Variants in TMED8 observed in about 807,000 individuals in gnomAD.
TMED8 encodes transmembrane p24 trafficking protein family member 8.
In TMED8, 15 loss-of-function variants were observed where a neutral mutation model predicts 32.7. That is an observed-to-expected ratio of 0.46 (90% CI 0.31 to 0.71). The LOEUF (loss-of-function observed/expected upper bound fraction) is 0.71. TMED8 is among the 30% of genes least tolerant of loss of function. The pLI, the probability that TMED8 is intolerant of heterozygous loss-of-function variation, is 0.06. For synonymous variants in TMED8, 147 were observed against 161.4 expected, an observed-to-expected ratio of 0.91 and a Z score of 0.68; for missense variants, 390 against 423.9, an observed-to-expected ratio of 0.92 and a Z score of 0.70.
rs570746624 is a variant in TMED8 at position 77,359,112 on chromosome 14, T to C, written c.119-7361A>G. 6.8e-4 allele frequency among the ~76,000 whole-genome samples: 104 copies of C among 152,316 alleles called. 1 individual carries two copies. Among genetic ancestry groups the C allele is most frequent in the African/African-American group, 2.3e-3 (96 of 41,566 alleles). On this transcript the variant is annotated intron_variant, in intron 1 of 5. Coordinates refer to ENST00000216468, the MANE Select transcript of TMED8 (RefSeq NM_213601.3). ...TCTGTAGAGATGGGGTTTTGCCATGTAGCCCAGGCTGATCTCAAAACTCCT... is the reference window on the plus strand; with the variant it reads ...TCTGTAGAGATGGGGTTTTGCCATGCAGCCCAGGCTGATCTCAAAACTCCT...
chr14:77,369,646 T>C (rs1468482883), intron 1 of TMED8, among the ~76,000 whole-genome samples: 1 of 152,198 alleles, frequency 6.6e-6, no homozygotes, highest in African/African-American at 2.4e-5. Flanking sequence ...CAAAATAGAC[T>C]CTTGTCCTTG....
rs532280096 is a variant in TMED8 at position 77,370,159 on chromosome 14, G to A, written c.118+6777C>T. ...TGCACTCCAGTCAAGGCGACAGAGCGAGACTCCGTTTCAAAAAAAAAAAAA... is the reference window on the plus strand; with the variant it reads ...TGCACTCCAGTCAAGGCGACAGAGCAAGACTCCGTTTCAAAAAAAAAAAAA... On this transcript the variant is annotated intron_variant, in intron 1 of 5. Coordinates refer to ENST00000216468, the MANE Select transcript of TMED8 (RefSeq NM_213601.3). Among the ~76,000 whole-genome samples the A allele has an allele frequency of 8.2e-4, 99 of 120,006 alleles. 2 individuals are homozygous for A. The South Asian group carries it at 0.026, about 31-fold the overall frequency. The allele number at this position is 120,006 out of a possible 152,430, so 78.7% of individuals were successfully genotyped here.
At chr14:77,361,523 T>G (rs377250395) in intron 1 of TMED8, among the ~76,000 whole-genome samples, 6 of 152,192 alleles carry the variant, frequency 3.9e-5, no homozygotes, top group East Asian at 3.8e-4. Flanking sequence ...AATGTTTTCT[T>G]TCTTAGGATT....
intron 1 of TMED8, among the ~76,000 whole-genome samples, chr14:77,369,529 T>G (rs989821720): frequency 6.6e-6 from 1 of 152,184 alleles, no homozygotes; most frequent in African/African-American, 2.4e-5. Flanking sequence ...TCCTGAACAC[T>G]AATCCATTTC....
intron 1 of TMED8, among the ~76,000 whole-genome samples, chr14:77,368,495 T>C (rs1003798291): frequency 7.2e-5 from 11 of 152,174 alleles, no homozygotes; most frequent in Non-Finnish European, 1.5e-4. Context: ...TATTTATTTT[T>C]GAGACGGAGT....
chr14:77,354,943 G>T (rs12894718), intron 1 of TMED8, among the ~76,000 whole-genome samples: 33,710 of 149,306 alleles, frequency 0.23, 3,966 homozygotes, highest in Admixed American at 0.29. Flanking sequence ...GACGAAGGAA[G>T]AACTCTGTCT....
At chr14:77,351,297 C>G (rs1893168570) in intron 2 of TMED8, among the ~76,000 whole-genome samples, 1 of 151,066 alleles carries the variant, frequency 6.6e-6, no homozygotes, top group East Asian at 2.0e-4. Flanking sequence ...CCAGCCTGTC[C>G]AATATGATGA....
intron 3 of TMED8, among the ~76,000 whole-genome samples, chr14:77,344,545 G>A (rs72681262): frequency 0.018 from 2,722 of 152,282 alleles, 46 homozygotes; most frequent in Middle Eastern, 0.078. Flanking sequence ...TAACCCATGC[G>A]GGAGCTTACA....
At position 77,341,468 on chromosome 14, in the gene TMED8, A is replaced by T. The variant is rs1453174930; in HGVS notation, c.*303T>A. On this transcript the variant is annotated 3_prime_UTR_variant, in exon 6 of 6. Coordinates refer to ENST00000216468, the MANE Select transcript of TMED8 (RefSeq NM_213601.3). Reference sequence around the variant, plus strand: ...CCTGTGCCAAGATGAATCTATTTTTAAAAAACATCGCCCTGCTTCCTTTTA... The same window carrying T: ...CCTGTGCCAAGATGAATCTATTTTTTAAAAACATCGCCCTGCTTCCTTTTA... 1 of 384,148 alleles carries T rather than the reference A, an allele frequency of 2.6e-6. No homozygotes were observed. The highest frequency in any genetic ancestry group is 5.5e-5 in the East Asian group (1 of 18,130). The allele number at this position is 384,148 out of a possible 1,614,324, so 23.8% of individuals were successfully genotyped here.
At chr14:77,368,222 G>A (rs757510220) in intron 1 of TMED8, among the ~76,000 whole-genome samples, 1 of 152,256 alleles carries the variant, frequency 6.6e-6, no homozygotes, top group Middle Eastern at 3.4e-3. Flanking sequence ...AGATAATGCC[G>A]AACTATTTTC....
At chr14:77,374,012 C>T (rs746989006) in intron 1 of TMED8, among the ~76,000 whole-genome samples, 22 of 152,200 alleles carry the variant, frequency 1.4e-4, no homozygotes, top group Non-Finnish European at 1.9e-4. Flanking sequence ...CACCACACTT[C>T]CTGTACACCC....
Position 77,341,277 on chromosome 14 carries a change from G to A in TMED8, c.*494C>T, listed in dbSNP as rs558884404. ...AACCAGCAGGCAGGAATATGGCAGTGGTGACAGGCTGGATAGAGCTTTCTC... is the reference window on the plus strand; with the variant it reads ...AACCAGCAGGCAGGAATATGGCAGTAGTGACAGGCTGGATAGAGCTTTCTC... On this transcript the variant is annotated 3_prime_UTR_variant, in exon 6 of 6. Coordinates refer to ENST00000216468, the MANE Select transcript of TMED8 (RefSeq NM_213601.3). 5.9e-6 allele frequency: 1 copy of A among 168,188 alleles called. No individual in the cohort carries two copies. Among genetic ancestry groups the A allele is most frequent in the African/African-American group, 2.4e-5 (1 of 41,740 alleles). 10.4% of individuals were successfully genotyped at this position (168,188 alleles called of 1,614,324 possible).
At chr14:77,347,093 A>T (rs959975390) in intron 2 of TMED8, among the ~76,000 whole-genome samples, 1 of 151,508 alleles carries the variant, frequency 6.6e-6, no homozygotes, top group Non-Finnish European at 1.5e-5. Context: ...TGGCCCCAAC[A>T]CCTATTAACC....
intron 2 of TMED8, among the ~76,000 whole-genome samples, chr14:77,348,229 T>TC (rs1418363921): frequency 6.8e-5 from 2 of 29,518 alleles, no homozygotes; most frequent in African/African-American, 1.6e-4. Flanking sequence ...AGTTTTAATT[T>TC]CTTTTTTTTT....
intron 1 of TMED8, among the ~76,000 whole-genome samples, chr14:77,357,006 C>T (rs930205705): frequency 1.9e-4 from 29 of 152,124 alleles, no homozygotes; most frequent in African/African-American, 7.0e-4. Context: ...TACTAGTACA[C>T]GTAGCTAAAT....
intron 1 of TMED8, chr14:77,359,619 A>G: frequency 2.6e-6 from 1 of 381,346 alleles, no homozygotes. Flanking sequence ...TTAAAAAGAA[A>G]TATTAATGAA....
intron 1 of TMED8, among the ~76,000 whole-genome samples, chr14:77,365,987 T>A (rs1450173528): frequency 6.6e-6 from 1 of 152,220 alleles, no homozygotes; most frequent in East Asian, 1.9e-4. Context: ...AATTAGATAG[T>A]CAAATGTGTT....
At chr14:77,371,685 T>C (rs1893682364) in intron 1 of TMED8, among the ~76,000 whole-genome samples, 1 of 152,170 alleles carries the variant, frequency 6.6e-6, no homozygotes, top group Non-Finnish European at 1.5e-5. Context: ...GCTGTTTCAG[T>C]GAGAGAGAAT....
At chr14:77,363,003 AATAG>A (rs1893472027) in intron 1 of TMED8, among the ~76,000 whole-genome samples, 1 of 152,254 alleles carries the variant, frequency 6.6e-6, no homozygotes, top group Non-Finnish European at 1.5e-5. Flanking sequence ...GAAGGGGGAA[AATAG>A]ATAGCAATAT....
Sources: allele counts gnomAD v4.1 joint callset (sites outside exome capture counted in the v4.1 genomes callset), GRCh38; gene constraint gnomAD v4.1.1; transcripts MANE v1.5; gene names NCBI Gene and HGNC (gene_info 2026-07-23, HGNC 2026-07-21).